The following PTPN22 variants were observed in gnomAD, a reference collection of about 807,000 sequenced individuals.
The protein encoded by PTPN22 is tyrosine-protein phosphatase non-receptor type 22.
Under a neutral mutation model 103.3 loss-of-function variants are expected in PTPN22, and 85 were observed. The observed-to-expected ratio is 0.82, with a 90% confidence interval of 0.69 to 0.99. The LOEUF (loss-of-function observed/expected upper bound fraction) is 0.99. Ranked by LOEUF, PTPN22 falls within the 50% of genes least tolerant of loss-of-function variation. PTPN22 has a pLI of 0.00. For missense variants in PTPN22, 865 were observed against 936.9 expected (o/e 0.92, Z 1.00); for synonymous variants, 323 against 310.2 (o/e 1.04, Z -0.43).
chr1:113,856,791 A>G, intron 5 of PTPN22, 172 bp from the exon 6 acceptor site: 1 of 735,186 alleles, frequency 1.4e-6, no homozygotes, highest in South Asian at 2.0e-5. Context: ...GAAAACAAAC[A>G]TTAAAGGATA....
chr1:113,871,640 A>G (rs1351721913), exon 1 of PTPN22: 2 of 1,611,992 alleles, frequency 1.2e-6, no homozygotes, highest in South Asian at 2.2e-5. Flanking sequence ...GAGCAAGAAA[A>G]ATAGTCTATA....
At chr1:113,839,367 C>T (rs1210568245) in intron 11 of PTPN22, among the ~76,000 whole-genome samples, 1 of 151,144 alleles carries the variant, frequency 6.6e-6, no homozygotes, top group Non-Finnish European at 1.5e-5. Flanking sequence ...CAGGTGTGTA[C>T]CACAGTGCCT....
intron 5 of PTPN22, among the ~76,000 whole-genome samples, chr1:113,857,032 A>G (rs1665145089): frequency 6.6e-6 from 1 of 152,234 alleles, no homozygotes; most frequent in Non-Finnish European, 1.5e-5. Context: ...GTAATTTTAA[A>G]TTTTCAAACA....
chr1:113,819,734 TAA>T (rs1661438870), intron 19 of PTPN22, 80 bp from the exon 20 acceptor site: 1 of 843,824 alleles, frequency 1.2e-6, no homozygotes, highest in Non-Finnish European at 1.7e-6. Context: ...ATATAATTGT[TAA>T]GAGTAATTAA....
At chr1:113,834,849 A>T in intron 14 of PTPN22, 61 bp downstream of exon 14, 1 of 1,309,554 alleles carries the variant, frequency 7.6e-7, no homozygotes, top group Non-Finnish European at 1.1e-6. Context: ...TGCTGGAATT[A>T]AAGGCATGAG....
At chr1:113,848,500 A>T (rs1474605391) in intron 11 of PTPN22, 40 bp downstream of exon 11, 1 of 1,608,058 alleles carries the variant, frequency 6.2e-7, no homozygotes, top group African/African-American at 1.3e-5. Context: ...AAAAGCAAGT[A>T]TGAAAATTTT....
At chr1:113,849,332 T>C (rs1351476402) in intron 10 of PTPN22, among the ~76,000 whole-genome samples, 2 of 152,200 alleles carry the variant, frequency 1.3e-5, no homozygotes, top group East Asian at 3.8e-4. Flanking sequence ...GAGACCTCTA[T>C]TATTACAAGG....
chr1:113,859,916 A>G (rs1402487197), intron 1 of PTPN22, among the ~76,000 whole-genome samples: 1 of 149,790 alleles, frequency 6.7e-6, no homozygotes, highest in Non-Finnish European at 1.5e-5. Flanking sequence ...AAATTTCTCT[A>G]TATCTAGCAA....
intron 1 of PTPN22, among the ~76,000 whole-genome samples, chr1:113,867,231 C>T (rs1666194402): frequency 6.6e-6 from 1 of 152,164 alleles, no homozygotes; most frequent in East Asian, 1.9e-4. Flanking sequence ...TAACTATGTC[C>T]TTACCCTAAA....
Position 113,837,798 on chromosome 1 carries a change from A to AT in PTPN22, c.1601dup (p.Asn534LysfsTer15), listed in dbSNP as rs1663153189. On this transcript the variant is annotated frameshift_variant, in exon 13 of 21. Coordinates refer to ENST00000359785, the Ensembl canonical transcript of PTPN22. LOFTEE classifies it high-confidence loss of function. Reference sequence around the variant, plus strand: ...TTGGAGGCCATGATGAAAAATAAGGATTTTCCACTAAAGGTATGTAAGAAT... The same window carrying AT: ...TTGGAGGCCATGATGAAAAATAAGGATTTTTCCACTAAAGGTATGTAAGAAT... 6.2e-7 allele frequency: 1 copy of AT among 1,613,806 alleles called. No individual in the cohort carries two copies. The highest frequency in any genetic ancestry group is 8.5e-7 in the Non-Finnish European group (1 of 1,179,872).
At chr1:113,849,964 G>C (rs919609470) in intron 10 of PTPN22, among the ~76,000 whole-genome samples, 1 of 152,006 alleles carries the variant, frequency 6.6e-6, no homozygotes, top group Non-Finnish European at 1.5e-5. Flanking sequence ...GGGAGGCCGA[G>C]GCAGGCAGAT....
At position 113,833,430 on chromosome 1, in the gene PTPN22, G is replaced by A. The variant is rs980962735; in HGVS notation, c.2026-292C>T. On this transcript the variant is annotated intron_variant, in intron 15 of 20. Transcript: ENST00000359785. ...GAAAATTTAATTAGAGGTAAGTTGC[G>A]GAAATTGAAGTTACTTCATAACATT... Among the ~76,000 whole-genome samples, 12 of 152,158 alleles carry A rather than the reference G, an allele frequency of 7.9e-5. No homozygotes were observed. In the East Asian group the frequency reaches 9.6e-4, roughly 12 times the overall value.
intron 11 of PTPN22, among the ~76,000 whole-genome samples, chr1:113,843,748 T>C (rs1380472115): frequency 6.6e-6 from 1 of 152,264 alleles, no homozygotes; most frequent in Non-Finnish European, 1.5e-5. Flanking sequence ...TTTCCTAGTA[T>C]AGACTGTATA....
Position 113,829,932 on chromosome 1 carries a change from A to T in PTPN22, c.2134+17T>A. On this transcript the variant is annotated intron_variant, in intron 17 of 20. Transcript: ENST00000359785. ...TTCATTTTTATGATTTTTTTGAGAG[A>T]AAGTGCTACCACTTACAATCTTCAT... 1 of 1,564,250 alleles carries T rather than the reference A, an allele frequency of 6.4e-7. No homozygotes were observed.
intron 11 of PTPN22, among the ~76,000 whole-genome samples, chr1:113,839,102 C>T (rs1267175273): frequency 2.0e-5 from 3 of 152,150 alleles, no homozygotes; most frequent in African/African-American, 2.4e-5. Flanking sequence ...ACTATTCCCC[C>T]TGATTAATAT....
At chr1:113,863,729 T>C (rs1665832206) in intron 1 of PTPN22, among the ~76,000 whole-genome samples, 1 of 152,066 alleles carries the variant, frequency 6.6e-6, no homozygotes, top group African/African-American at 2.4e-5. Flanking sequence ...GTCTCCTTTA[T>C]AGAACCAAGA....
chr1:113,841,154 G>A (rs1359893238), intron 11 of PTPN22, among the ~76,000 whole-genome samples: 16 of 152,076 alleles, frequency 1.1e-4, no homozygotes, highest in Admixed American at 1.0e-3. Flanking sequence ...AACCAGGGAG[G>A]TGGAGGTTCC....
At chr1:113,819,514 G>C in intron 20 of PTPN22, 63 bp downstream of exon 20, 1 of 1,257,300 alleles carries the variant, frequency 8.0e-7, no homozygotes, top group South Asian at 1.3e-5. Context: ...AGTTGAATCA[G>C]TTATACTGTA....
intron 5 of PTPN22, chr1:113,856,931 C>T (rs1665134426): frequency 4.0e-6 from 1 of 249,304 alleles, no homozygotes; most frequent in Non-Finnish European, 7.8e-6. Context: ...AGTGAAATAC[C>T]TAGTTCCCTT....
Sources: allele counts gnomAD v4.1 joint callset (sites outside exome capture counted in the v4.1 genomes callset), GRCh38; gene constraint gnomAD v4.1.1; transcripts MANE v1.5; gene names NCBI Gene and HGNC (gene_info 2026-07-23, HGNC 2026-07-21).